The following MPPED2 variants were observed in gnomAD, a reference collection of about 807,000 sequenced individuals.
MPPED2 encodes metallophosphoesterase MPPED2.
MPPED2 carries 5 observed loss-of-function variants against 33.0 expected under a neutral mutation model. The observed-to-expected ratio is 0.15, with a 90% CI of 0.08 to 0.32. The LOEUF is 0.32. MPPED2 is among the 10% of genes least tolerant of loss of function. MPPED2 has a pLI of 1.00. For synonymous variants in MPPED2, 136 were observed against 141.9 expected, an observed-to-expected ratio of 0.96 and a Z score of 0.29; for missense variants, 275 against 372.1, an observed-to-expected ratio of 0.74 and a Z score of 2.15.
At chr11:30,563,276 C>T (rs189638674) in intron 2 of MPPED2, among the ~76,000 whole-genome samples, 52 of 152,144 alleles carry the variant, frequency 3.4e-4, no homozygotes, top group Middle Eastern at 3.4e-3. Flanking sequence ...TGAGGGGGTA[C>T]GTTTCAAGAT....
chr11:30,401,701 G>A (rs183090871), intron 6 of MPPED2, among the ~76,000 whole-genome samples: 11 of 152,170 alleles, frequency 7.2e-5, no homozygotes, highest in Admixed American at 1.3e-4. Flanking sequence ...TGTTTGAGAC[G>A]GAGTCTCGCT....
In MPPED2 at chr11:30,400,688, C is replaced by T. The variant is rs759258551; in HGVS notation, c.767-11732G>A. On this transcript the variant is annotated intron_variant, in intron 6 of 6. Transcript: ENST00000448418. ...TAGCCAGACTTCTCTGGCTTATAGACATGTACTCCAAACTACATCATTCAA... is the reference window on the plus strand; with the variant it reads ...TAGCCAGACTTCTCTGGCTTATAGATATGTACTCCAAACTACATCATTCAA... Among the ~76,000 whole-genome samples the T allele has an allele frequency of 4.9e-4, 74 of 152,284 alleles. 3 individuals are homozygous for T. The highest frequency in any genetic ancestry group is 2.8e-4 in the Non-Finnish European group (19 of 68,034).
chr11:30,393,055 T>C (rs566848433), intron 6 of MPPED2, among the ~76,000 whole-genome samples: 1 of 152,278 alleles, frequency 6.6e-6, no homozygotes, highest in Admixed American at 6.5e-5. Context: ...TCACTCCTTG[T>C]ATTTGGGAAC....
intron 3 of MPPED2, among the ~76,000 whole-genome samples, chr11:30,513,619 G>T (rs972682161): frequency 6.6e-6 from 1 of 152,174 alleles, no homozygotes; most frequent in African/African-American, 2.4e-5. Context: ...GTGATGATAG[G>T]TTAAGTCTCT....
chr11:30,454,420 C>T (rs111655639), intron 4 of MPPED2, among the ~76,000 whole-genome samples: 7 of 151,894 alleles, frequency 4.6e-5, no homozygotes, highest in Admixed American at 6.5e-5. Flanking sequence ...ACATTTTCCC[C>T]GAGCATTTTT....
chr11:30,474,337 G>C (rs183824367), intron 4 of MPPED2, among the ~76,000 whole-genome samples: 67 of 152,294 alleles, frequency 4.4e-4, no homozygotes, highest in African/African-American at 1.4e-3. Context: ...GTTCCTCTTA[G>C]TGACGTCACT....
intron 2 of MPPED2, among the ~76,000 whole-genome samples, chr11:30,546,934 G>C (rs537096570): frequency 1.2e-3 from 190 of 152,214 alleles, no homozygotes; most frequent in African/African-American, 4.5e-3. Context: ...AGAAATGGCT[G>C]GTTCACTTTT....
intron 2 of MPPED2, among the ~76,000 whole-genome samples, chr11:30,538,452 A>G (rs928318161): frequency 6.6e-6 from 1 of 152,140 alleles, no homozygotes; most frequent in African/African-American, 2.4e-5. Flanking sequence ...CAATCATCAC[A>G]TGGTACATAA....
intron 6 of MPPED2, among the ~76,000 whole-genome samples, chr11:30,399,526 GT>G (rs1947882294): frequency 1.3e-5 from 2 of 152,096 alleles, no homozygotes; most frequent in African/African-American, 4.8e-5. Flanking sequence ...GTAATGTACT[GT>G]TTTGTGTCTT....
At chr11:30,473,798 T>C (rs1010636549) in intron 4 of MPPED2, among the ~76,000 whole-genome samples, 11 of 152,112 alleles carry the variant, frequency 7.2e-5, no homozygotes, top group Non-Finnish European at 5.9e-5. Context: ...TGGCAAGGCA[T>C]AGAGGAAGGG....
intron 3 of MPPED2, among the ~76,000 whole-genome samples, chr11:30,524,602 G>C (rs1252417433): frequency 1.3e-5 from 2 of 152,144 alleles, no homozygotes; most frequent in African/African-American, 4.8e-5. Context: ...GGCTATAGTG[G>C]GTGATCAACA....
At chr11:30,440,401 C>T (rs1949516888) in intron 4 of MPPED2, among the ~76,000 whole-genome samples, 1 of 152,114 alleles carries the variant, frequency 6.6e-6, no homozygotes, top group African/African-American at 2.4e-5. Flanking sequence ...CAACTGCTTC[C>T]ACACCGCAAT....
At chr11:30,575,733 C>T (rs1009163952) in intron 2 of MPPED2, among the ~76,000 whole-genome samples, 1 of 152,192 alleles carries the variant, frequency 6.6e-6, no homozygotes, top group Non-Finnish European at 1.5e-5. Context: ...ATTCCACAGA[C>T]AGCAACCAGT....
At chr11:30,415,040 G>T (rs1231769351) in intron 5 of MPPED2, among the ~76,000 whole-genome samples, 1 of 152,182 alleles carries the variant, frequency 6.6e-6, no homozygotes, top group Non-Finnish European at 1.5e-5. Context: ...GATGATTATG[G>T]CCTGGAATGG....
At chr11:30,428,104 C>T (rs998456729) in intron 4 of MPPED2, among the ~76,000 whole-genome samples, 4 of 152,096 alleles carry the variant, frequency 2.6e-5, no homozygotes, top group Admixed American at 2.6e-4. Context: ...CTTTACCACC[C>T]ATTTCCATAT....
In MPPED2 at chr11:30,411,165, A is replaced by G; in HGVS notation, c.*303T>C. ...TCAGCTTAAAGCATATTAAAATAAG[A>G]CTTTTATCACTTTTTAAAAGAAAGC... On this transcript the variant is annotated 3_prime_UTR_variant, in exon 7 of 7. Coordinates refer to ENST00000358117, the MANE Select transcript of MPPED2 (RefSeq NM_001584.3). The G allele has an allele frequency of 9.7e-7, 1 of 1,027,784 alleles. No homozygotes were observed. The highest frequency in any genetic ancestry group is 1.2e-6 in the Non-Finnish European group (1 of 857,026). 63.7% of individuals were successfully genotyped at this position (1,027,784 alleles called of 1,614,324 possible).
chr11:30,521,561 A>G lies in MPPED2; in HGVS notation c.310+14433T>C, dbSNP rs185959317. Among the ~76,000 whole-genome samples, 16 of 152,350 alleles carry G rather than the reference A, an allele frequency of 1.1e-4. No individual in the cohort carries two copies. The East Asian group carries it at 2.7e-3, about 26-fold the overall frequency. On this transcript the variant is annotated intron_variant, in intron 3 of 6. Coordinates refer to ENST00000358117, the MANE Select transcript of MPPED2 (RefSeq NM_001584.3). ...GTCAGCAGTCTAGCAGCATTCCATT[A>G]AACAAACCTAGTTTATTTGACATTT... is the stretch of plus-strand genomic sequence containing the variant.
chr11:30,436,341 A>T (rs1379191863), intron 4 of MPPED2, among the ~76,000 whole-genome samples: 2 of 152,030 alleles, frequency 1.3e-5, no homozygotes, highest in Non-Finnish European at 2.9e-5. Flanking sequence ...ACTTGAAGCC[A>T]CTCCAAGGTT....
In MPPED2 at chr11:30,481,577, A is replaced by G. The variant is rs1170241057; in HGVS notation, c.536+13719T>C. ...GTCGAGCCCTGTTTTGCAGATTAAT[A>G]GAACAAAGACACATGAGAGGAGGGG... On this transcript the variant is annotated intron_variant, in intron 4 of 6. Transcript: ENST00000358117. 2.0e-5 allele frequency among the ~76,000 whole-genome samples: 3 copies of G among 152,300 alleles called. No individual in the cohort carries two copies. In the East Asian group the frequency reaches 5.8e-4, roughly 29 times the overall value.
Sources: allele counts gnomAD v4.1 joint callset (sites outside exome capture counted in the v4.1 genomes callset), GRCh38; gene constraint gnomAD v4.1.1; transcripts MANE v1.5; gene names NCBI Gene and HGNC (gene_info 2026-07-23, HGNC 2026-07-21).